The following CEP112 variants were observed in gnomAD, a reference collection of about 807,000 sequenced individuals.
CEP112 encodes the protein centrosomal protein 112, also known as centrosomal protein of 112 kDa.
CEP112 carries 127 observed loss-of-function variants against 153.0 expected under a neutral mutation model. The observed-to-expected ratio is 0.83, with a 90% CI of 0.72 to 0.96. The LOEUF is 0.96. CEP112 is among the 40% of genes least tolerant of loss of function. The probability of loss-of-function intolerance (pLI) is 0.00; values close to 1 mark genes in which losing one functional copy is unlikely to be tolerated. For synonymous variants in CEP112, 358 were observed against 374.4 expected (o/e 0.96, Z 0.51); for missense variants, 1,089 against 1,101.2 (o/e 0.99, Z 0.16).
intron 21 of CEP112, among the ~76,000 whole-genome samples, chr17:65,777,382 C>G (rs72831430): frequency 1.2e-3 from 178 of 152,316 alleles, no homozygotes; most frequent in Non-Finnish European, 2.0e-3. Flanking sequence ...ATAATGAATA[C>G]ACCCCTGGTT....
intron 6 of CEP112, among the ~76,000 whole-genome samples, chr17:66,113,098 A>T (rs2146391562): frequency 6.6e-6 from 1 of 152,240 alleles, no homozygotes; most frequent in South Asian, 2.1e-4. Context: ...AAAATAAAAT[A>T]AAAATAAGTA....
intron 24 of CEP112, among the ~76,000 whole-genome samples, chr17:65,646,930 C>T (rs998520190): frequency 3.3e-5 from 5 of 152,250 alleles, no homozygotes; most frequent in African/African-American, 1.2e-4. Context: ...AGAGGACTCC[C>T]CACGCCTTCC....
At position 65,902,381 on chromosome 17, in the gene CEP112, C is replaced by T. The variant is rs1388632301; in HGVS notation, c.1981-47G>A. 7.9e-6 allele frequency: 12 copies of T among 1,525,510 alleles called. No homozygotes were observed. In the Admixed American group the frequency reaches 8.0e-5, roughly 10 times the overall value. The allele number at this position is 1,525,510 out of a possible 1,614,324, so 94.5% of individuals were successfully genotyped here. A position where few individuals can be genotyped will look rare whatever the true frequency, so the allele number is the denominator to read the frequency against. On this transcript the variant is annotated intron_variant, in intron 19 of 26. Coordinates refer to ENST00000535342, the MANE Select transcript of CEP112 (RefSeq NM_001199165.4). ...CAGTTCATCAACAGAACATCCTTGT[C>T]GTCATGACAACTCATGTACAGCTTA...
intron 24 of CEP112, among the ~76,000 whole-genome samples, chr17:65,687,639 T>C (rs1011156783): frequency 3.3e-5 from 5 of 152,016 alleles, no homozygotes; most frequent in African/African-American, 1.2e-4. Flanking sequence ...CATTAGAGAG[T>C]AGGAAGGAAT....
intron 17 of CEP112, among the ~76,000 whole-genome samples, chr17:65,973,569 T>C (rs914602166): frequency 6.6e-6 from 1 of 152,172 alleles, no homozygotes; most frequent in Admixed American, 6.6e-5. Flanking sequence ...TACACACTTG[T>C]GAGCGTGGTG....
At chr17:65,646,673 T>C (rs1163756982) in intron 24 of CEP112, among the ~76,000 whole-genome samples, 1 of 152,210 alleles carries the variant, frequency 6.6e-6, no homozygotes, top group Non-Finnish European at 1.5e-5. Context: ...ATTGTCCACT[T>C]TGCTCTACAG....
chr17:65,786,515 T>G (rs1190602640), intron 21 of CEP112, among the ~76,000 whole-genome samples: 5 of 152,098 alleles, frequency 3.3e-5, no homozygotes, highest in African/African-American at 1.2e-4. Context: ...TCTTCATGTA[T>G]TTATGGGCTA....
At chr17:65,908,480 G>C (rs2060165111) in intron 19 of CEP112, among the ~76,000 whole-genome samples, 1 of 152,186 alleles carries the variant, frequency 6.6e-6, no homozygotes, top group Admixed American at 6.5e-5. Context: ...CGGATCATCT[G>C]AGGTCAGGAG....
chr17:65,667,017 T>C (rs900523995), intron 24 of CEP112, among the ~76,000 whole-genome samples: 3 of 152,138 alleles, frequency 2.0e-5, no homozygotes, highest in African/African-American at 7.2e-5. Flanking sequence ...ATTTGAAAAA[T>C]AGTTTACATC....
intron 17 of CEP112, among the ~76,000 whole-genome samples, chr17:65,986,865 C>T (rs2063428045): frequency 6.6e-6 from 1 of 152,064 alleles, no homozygotes; most frequent in Admixed American, 6.6e-5. Flanking sequence ...ATGGAGAAGA[C>T]ACAAGACAAT....
At chr17:65,663,250 T>A (rs760333574) in intron 24 of CEP112, among the ~76,000 whole-genome samples, 1 of 152,230 alleles carries the variant, frequency 6.6e-6, no homozygotes, top group Non-Finnish European at 1.5e-5. Context: ...CTTTGTCATA[T>A]CCAGTAATCT....
chr17:65,717,320 C>G (rs1469455440), intron 23 of CEP112, among the ~76,000 whole-genome samples: 1 of 152,156 alleles, frequency 6.6e-6, no homozygotes, highest in East Asian at 1.9e-4. Flanking sequence ...CACACATGTC[C>G]TGTCTTTAAT....
intron 19 of CEP112, among the ~76,000 whole-genome samples, chr17:65,916,969 A>T (rs2060517430): frequency 6.6e-6 from 1 of 152,188 alleles, no homozygotes; most frequent in African/African-American, 2.4e-5. Flanking sequence ...GCCTTTCACT[A>T]AATATCAGCA....
At chr17:65,909,297 A>C (rs1281622286) in intron 19 of CEP112, among the ~76,000 whole-genome samples, 1 of 152,210 alleles carries the variant, frequency 6.6e-6, no homozygotes, top group Non-Finnish European at 1.5e-5. Context: ...AACGGGTTAT[A>C]GCTAGAGAAA....
At chr17:65,875,941 A>G (rs2058811657) in intron 20 of CEP112, among the ~76,000 whole-genome samples, 1 of 152,202 alleles carries the variant, frequency 6.6e-6, no homozygotes, top group African/African-American at 2.4e-5. Context: ...TATGTTACAT[A>G]ACTACACCTT....
chr17:65,852,005 GTGAACCTGGGCCTCCA>G lies in CEP112; in HGVS notation c.2177_2192del (p.Met726ThrfsTer3). 6.2e-7 allele frequency: 1 copy of G among 1,612,172 alleles called. No individual in the cohort carries two copies. Among genetic ancestry groups the G allele is most frequent in the Non-Finnish European group, 8.5e-7 (1 of 1,179,602 alleles). ...CATTGATCAATTCTTCTCTCAACTTGTGAACCTGGGCCTCCATGTCGGCAATAACCTTGTTTTTAAA... is the reference window on the plus strand; with the variant it reads ...CATTGATCAATTCTTCTCTCAACTTGTGTCGGCAATAACCTTGTTTTTAAA... On this transcript the variant is annotated frameshift_variant, in exon 21 of 27. Coordinates refer to ENST00000535342, the MANE Select transcript of CEP112 (RefSeq NM_001199165.4). LOFTEE classifies it high-confidence loss of function.
At chr17:65,820,290 G>A (rs1017995559) in intron 21 of CEP112, among the ~76,000 whole-genome samples, 16 of 151,710 alleles carry the variant, frequency 1.1e-4, no homozygotes, top group African/African-American at 2.7e-4. Flanking sequence ...AAAAGATCCC[G>A]CTTCCTACAG....
chr17:65,944,484 A>C (rs2061591391), intron 18 of CEP112, among the ~76,000 whole-genome samples: 1 of 152,244 alleles, frequency 6.6e-6, no homozygotes, highest in African/African-American at 2.4e-5. Flanking sequence ...AATAAAGTTA[A>C]ATGGGTTATT....
intron 20 of CEP112, chr17:65,873,698 C>T (rs1025565018): frequency 6.6e-6 from 1 of 152,180 alleles, no homozygotes; most frequent in Non-Finnish European, 1.5e-5. Flanking sequence ...TATGACCTAA[C>T]CTTTATTCCA....
Sources: gnomAD v4.1 joint callset for allele counts (sites outside exome capture counted in the v4.1 genomes callset) on GRCh38, gnomAD v4.1.1 for gene constraint, MANE v1.5 for transcripts, NCBI Gene and HGNC (gene_info 2026-07-23, HGNC 2026-07-21) for gene names.